Variants in ANKRD13C observed in about 807,000 individuals in gnomAD.
The protein encoded by ANKRD13C is ankyrin repeat domain-containing protein 13C.
In ANKRD13C, 16 loss-of-function variants were observed where a neutral mutation model predicts 65.5. The observed-to-expected ratio is 0.24, with a 90% confidence interval of 0.17 to 0.37. ANKRD13C has a LOEUF of 0.37. Among genes scored for constraint, ANKRD13C ranks in the 10% least tolerant of loss-of-function variants. The pLI is 1.00. For synonymous variants in ANKRD13C, 235 were observed against 238.7 expected, an observed-to-expected ratio of 0.98 and a Z score of 0.14; for missense variants, 503 against 655.9, an observed-to-expected ratio of 0.77 and a Z score of 2.55.
intron 8 of ANKRD13C, among the ~76,000 whole-genome samples, chr1:70,293,931 A>C (rs1019182359): frequency 2.0e-5 from 3 of 152,256 alleles, no homozygotes; most frequent in African/African-American, 7.2e-5. Flanking sequence ...GGCATGTAAA[A>C]GGATGATAAA....
chr1:70,329,791 T>TA (rs1304486189), intron 2 of ANKRD13C, among the ~76,000 whole-genome samples: 2 of 151,236 alleles, frequency 1.3e-5, no homozygotes, highest in Non-Finnish European at 1.5e-5. Flanking sequence ...GTCTTATAAT[T>TA]TAAAAAAAAA....
Position 70,300,893 on chromosome 1 carries a change from G to C in ANKRD13C, c.792C>G (p.Leu264=). 1.2e-6 allele frequency: 2 copies of C among 1,612,390 alleles called. No homozygotes were observed. The highest frequency in any genetic ancestry group is 3.4e-5 in the Admixed American group (2 of 59,458). Residue 264 remains leucine, a synonymous_variant, in exon 7 of 13, where the codon CTC becomes CTG. Coordinates refer to ENST00000370944, the MANE Select transcript of ANKRD13C (RefSeq NM_030816.5). ...QGINIRLDTT[L]IDFTDMKCQR... is the part of the protein sequence containing the mutation. ...GGCACTTCATGTCAGTAAAGTCTAT[G>C]AGAGTTGTGTCAAGCCTGTGAAACA...
At chr1:70,288,846 G>C (rs1679736889) in intron 9 of ANKRD13C, among the ~76,000 whole-genome samples, 1 of 152,188 alleles carries the variant, frequency 6.6e-6, no homozygotes, top group African/African-American at 2.4e-5. Flanking sequence ...TCCTCGCCAT[G>C]ATACTGTTCT....
At chr1:70,302,929 G>T (rs548733173) in intron 6 of ANKRD13C, among the ~76,000 whole-genome samples, 1 of 152,126 alleles carries the variant, frequency 6.6e-6, no homozygotes, top group South Asian at 2.1e-4. Context: ...ACAGTCTTCT[G>T]CCTCCATTCC....
chr1:70,338,463 C>T (rs550612377), intron 1 of ANKRD13C, among the ~76,000 whole-genome samples: 60 of 152,074 alleles, frequency 3.9e-4, no homozygotes, highest in Non-Finnish European at 7.5e-4. Flanking sequence ...GTGCAGAGGC[C>T]GATCTGGGCT....
intron 1 of ANKRD13C, among the ~76,000 whole-genome samples, chr1:70,351,578 T>G (rs1682745771): frequency 6.6e-6 from 1 of 152,068 alleles, no homozygotes; most frequent in Non-Finnish European, 1.5e-5. Context: ...TTTCATATTT[T>G]CAGTAGAGAC....
intron 2 of ANKRD13C, among the ~76,000 whole-genome samples, chr1:70,328,905 A>T (rs570485197): frequency 6.6e-6 from 1 of 152,282 alleles, no homozygotes; most frequent in South Asian, 2.1e-4. Context: ...CCAAAAAACC[A>T]TTGGGTTTTG....
intron 7 of ANKRD13C, among the ~76,000 whole-genome samples, chr1:70,298,936 T>C (rs188823996): frequency 3.1e-3 from 472 of 152,148 alleles, no homozygotes; most frequent in South Asian, 0.011. Flanking sequence ...TTTACCAACC[T>C]ATAGCGTAGA....
chr1:70,313,323 G>A (rs1187472878), intron 5 of ANKRD13C, among the ~76,000 whole-genome samples: 1 of 152,074 alleles, frequency 6.6e-6, no homozygotes, highest in South Asian at 2.1e-4. Flanking sequence ...GAGCCCAGGT[G>A]TTCTAGACCA....
Position 70,354,109 on chromosome 1 carries a change from G to T in ANKRD13C, c.300C>A (p.Pro100=), listed in dbSNP as rs1473571480. The change falls in exon 1 of 13, where the codon CCC becomes CCA. Residue 100 remains proline, a synonymous_variant. Transcript: ENST00000370944. The stretch of plus-strand genomic sequence containing the variant: ...TGCCTCCATCCGCGACGACAGCAAC[G>T]GGGTTGGTGCCGGCCAGAAGGGCCG... The part of the protein sequence containing the change: ...QSPALLAGTN[P]VAVVADGGSC... 6.2e-7 allele frequency: 1 copy of T among 1,612,964 alleles called. No individual in the cohort carries two copies. Among genetic ancestry groups the T allele is most frequent in the Non-Finnish European group, 8.5e-7 (1 of 1,179,262 alleles).
In ANKRD13C at chr1:70,354,655, T is replaced by G; in HGVS notation, c.-247A>C. The stretch of plus-strand genomic sequence containing the variant: ...GGTGCCCACGACACCAGGATCTCAG[T>G]CTCGCCGTCGCAGCCGCCGTCGCTG... On this transcript the variant is annotated 5_prime_UTR_variant, in exon 1 of 13. Transcript: ENST00000370944. 2.1e-6 allele frequency: 2 copies of G among 940,888 alleles called. No homozygotes were observed. The highest frequency in any genetic ancestry group is 1.5e-6 in the Non-Finnish European group (1 of 651,218). 58.3% of individuals were successfully genotyped at this position (940,888 alleles called of 1,614,324 possible).
chr1:70,293,029 T>C (rs1679925816), intron 8 of ANKRD13C, among the ~76,000 whole-genome samples: 1 of 152,160 alleles, frequency 6.6e-6, no homozygotes. Context: ...CAACCAGAAT[T>C]AATGACCTGT....
rs754349111 is a variant in ANKRD13C at position 70,270,840 on chromosome 1, T to C, written c.1495+16A>G. On this transcript the variant is annotated intron_variant, in intron 12 of 12. Transcript: ENST00000370944. The stretch of plus-strand genomic sequence containing the variant: ...TCCTAATGGACACTAAAATTATATC[T>C]AATTTTTTCTCTTACCTAATTTTAC... The C allele has an allele frequency of 3.9e-6, 6 of 1,519,100 alleles. No individual in the cohort carries two copies. The Admixed American group carries it at 8.8e-5, about 22-fold the overall frequency. The allele number at this position is 1,519,100 out of a possible 1,614,324, so 94.1% of individuals were successfully genotyped here. A position where few individuals can be genotyped will look rare whatever the true frequency, so the allele number is the denominator to read the frequency against.
chr1:70,338,408 G>C (rs1161689246), intron 1 of ANKRD13C, among the ~76,000 whole-genome samples: 1 of 152,006 alleles, frequency 6.6e-6, no homozygotes, highest in Non-Finnish European at 1.5e-5. Context: ...CAATTTTTGT[G>C]TGTGTGTGTG....
At chr1:70,307,368 C>T (rs1392900523) in intron 5 of ANKRD13C, among the ~76,000 whole-genome samples, 1 of 152,026 alleles carries the variant, frequency 6.6e-6, no homozygotes, top group Non-Finnish European at 1.5e-5. Flanking sequence ...GAAACCCCAT[C>T]TCTATCAAAC....
intron 1 of ANKRD13C, among the ~76,000 whole-genome samples, chr1:70,350,106 G>C (rs889538224): frequency 3.3e-5 from 5 of 150,212 alleles, no homozygotes; most frequent in African/African-American, 1.2e-4. Context: ...TTGCACCACT[G>C]CACTCCAACC....
chr1:70,287,336 G>A (rs1257427757), intron 9 of ANKRD13C, among the ~76,000 whole-genome samples: 2 of 151,900 alleles, frequency 1.3e-5, no homozygotes. Flanking sequence ...ATACAATGGA[G>A]GAGGAACAGA....
intron 10 of ANKRD13C, among the ~76,000 whole-genome samples, chr1:70,275,687 C>A (rs7552694): frequency 0.081 from 12,264 of 151,928 alleles, 567 homozygotes; most frequent in South Asian, 0.22. Context: ...TAAGGTCAGG[C>A]GCAGTGGCTC....
At chr1:70,287,785 T>A (rs756038660) in intron 9 of ANKRD13C, among the ~76,000 whole-genome samples, 1 of 152,112 alleles carries the variant, frequency 6.6e-6, no homozygotes, top group Non-Finnish European at 1.5e-5. Context: ...GGTAGGAGGA[T>A]CCCTTGAGCC....
Sources: gnomAD v4.1 joint callset for allele counts (sites outside exome capture counted in the v4.1 genomes callset) on GRCh38, gnomAD v4.1.1 for gene constraint, MANE v1.5 for transcripts, NCBI Gene and HGNC (gene_info 2026-07-23, HGNC 2026-07-21) for gene names.